The following SMC1A variants were observed in gnomAD, a reference collection of about 807,000 sequenced individuals.
SMC1A encodes the protein structural maintenance of chromosomes 1A, also known as structural maintenance of chromosomes protein 1A.
SMC1A carries 4 observed loss-of-function variants against 94.5 expected under a neutral mutation model. That is an observed-to-expected ratio of 0.04 (90% CI 0.02 to 0.10). SMC1A has a LOEUF of 0.10. Ranked by LOEUF, SMC1A falls within the 10% of genes least tolerant of loss-of-function variation. The pLI, the probability that SMC1A is intolerant of heterozygous loss-of-function variation, is 1.00. For synonymous variants in SMC1A, 345 were observed against 347.7 expected, an observed-to-expected ratio of 0.99 and a Z score of 0.09; for missense variants, 304 against 989.0, an observed-to-expected ratio of 0.31 and a Z score of 9.29.
Position 53,409,104 on chromosome X carries a change from T to C in SMC1A, c.1503A>G (p.Ala501=). 7.4e-6 allele frequency: 9 copies of C among 1,211,604 alleles called. No homozygotes were observed. Among genetic ancestry groups the C allele is most frequent in the Non-Finnish European group, 1.0e-5 (9 of 895,522 alleles). The change falls in exon 9 of 25, where the codon GCA becomes GCG. Residue 501 remains alanine (A), a synonymous_variant. Coordinates refer to ENST00000322213, the MANE Select transcript of SMC1A (RefSeq NM_006306.4). ...RQESSRQQRK[A]EIMESIKRLY... ...GGCGCTTGATGCTTTCCATTATCTC[T>C]GCCTTTCGCTGCTGGCGGCTGCTCT... is the stretch of plus-strand genomic sequence containing the variant.
intron 1 of SMC1A, among the ~76,000 whole-genome samples, chrX:53,417,711 A>T (rs1638979955): frequency 9.0e-6 from 1 of 111,679 alleles, no homozygotes; most frequent in South Asian, 3.7e-4. Context: ...AAACTGGATA[A>T]TTGATGACAT....
chrX:53,406,037 G>T (rs2075689825), intron 9 of SMC1A, 81 bp from the exon 10 acceptor site: 1 of 906,731 alleles, frequency 1.1e-6, no homozygotes, highest in African/African-American at 2.0e-5. Context: ...GTATGGAAAG[G>T]GGGACAGACT....
In SMC1A at chrX:53,376,088, T is replaced by C. The variant is rs2075558766; in HGVS notation, c.*4015A>G. On this transcript the variant is annotated 3_prime_UTR_variant, in exon 25 of 25. Coordinates refer to ENST00000322213, the MANE Select transcript of SMC1A (RefSeq NM_006306.4). Reference sequence around the variant, plus strand: ...AAGCAAAATATCCCCAGGCCCACCCTTGTGGTGCCTAAAGCTTATTCAGAG... The same window carrying C: ...AAGCAAAATATCCCCAGGCCCACCCCTGTGGTGCCTAAAGCTTATTCAGAG... 8.9e-6 allele frequency: 1 copy of C among 112,871 alleles called. No homozygotes were observed. The highest frequency in any genetic ancestry group is 9.4e-5 in the Admixed American group (1 of 10,675). 9.3% of individuals were successfully genotyped at this position (112,871 alleles called of 1,213,427 possible). A position where few individuals can be genotyped will look rare whatever the true frequency, so the allele number is the denominator to read the frequency against.
chrX:53,398,144 T>C (rs1179156363), intron 16 of SMC1A, among the ~76,000 whole-genome samples: 3 of 102,033 alleles, frequency 2.9e-5, no homozygotes, highest in African/African-American at 7.1e-5. Flanking sequence ...CCAAGTACTA[T>C]TGCACTCTAG....
At chrX:53,386,195 T>TA (rs1202799557) in intron 19 of SMC1A, among the ~76,000 whole-genome samples, 32 of 106,036 alleles carry the variant, frequency 3.0e-4, no homozygotes, top group African/African-American at 6.5e-4. Flanking sequence ...AATAATATTG[T>TA]AAAAAAAAAA....
intron 19 of SMC1A, among the ~76,000 whole-genome samples, chrX:53,391,458 TAAA>T (rs782035311): frequency 1.3e-4 from 12 of 89,582 alleles, no homozygotes; most frequent in Admixed American, 1.2e-4. Flanking sequence ...GTCTCCACGT[TAAA>T]AAAAAAAAAA....
At chrX:53,384,144 T>C (rs1252134376) in intron 19 of SMC1A, among the ~76,000 whole-genome samples, 2 of 111,347 alleles carry the variant, frequency 1.8e-5, no homozygotes, top group African/African-American at 3.3e-5. Flanking sequence ...TGCATTGAGG[T>C]GTTCTGGATG....
chrX:53,375,572 G>A lies in SMC1A; in HGVS notation c.*4531C>T, dbSNP rs2075556834. The A allele has an allele frequency of 9.1e-6, 1 of 110,163 alleles. No individual in the cohort carries two copies. Among genetic ancestry groups the A allele is most frequent in the African/African-American group, 3.3e-5 (1 of 30,239 alleles). The allele number at this position is 110,163 out of a possible 1,213,427, so 9.1% of individuals were successfully genotyped here. On this transcript the variant is annotated 3_prime_UTR_variant, in exon 25 of 25. Transcript: ENST00000322213. ...CTTGGAAGAGCCTTACTGCACACTGGAGGTGCTTAGCCAAGATTTATTGAA... is the reference window on the plus strand; with the variant it reads ...CTTGGAAGAGCCTTACTGCACACTGAAGGTGCTTAGCCAAGATTTATTGAA...
At chrX:53,418,723 G>A (rs2075742085) in intron 1 of SMC1A, among the ~76,000 whole-genome samples, 2 of 111,902 alleles carry the variant, frequency 1.8e-5, no homozygotes, top group African/African-American at 6.5e-5. Context: ...ATGAGCCACC[G>A]TTCCTGGCCA....
At chrX:53,409,951 C>A (rs782569776) in intron 7 of SMC1A, among the ~76,000 whole-genome samples, 1 of 111,963 alleles carries the variant, frequency 8.9e-6, no homozygotes, top group Admixed American at 9.5e-5. Context: ...GACAGGGTCT[C>A]ACTGTGTTGC....
Position 53,380,134 on chromosome X carries a change from G to T in SMC1A, c.3671C>A (p.Pro1224Gln). Residue 1224 changes from proline to glutamine, a missense_variant, in exon 25 of 25, where the codon CCA (proline) becomes CAA (glutamine). By Grantham distance (76) the Pro-to-Gln change is moderately conservative. Transcript: ENST00000322213. ...KVLTFDLTKY[P>Q]DANPNPNEQ ...CTCATTGGGGTTGGGGTTGGCATCT[G>T]GGTACTTGGTGAGGTCGAAGGTCAG... The T allele has an allele frequency of 2.5e-6, 3 of 1,209,010 alleles. No individual in the cohort carries two copies. The highest frequency in any genetic ancestry group is 3.4e-6 in the Non-Finnish European group (3 of 893,694).
rs782732704 is a variant in SMC1A at position 53,380,200 on chromosome X, G to A, written c.3619-14C>T. ...ACAGTCCCCTTGCTGAAGGAGGAGG[G>A]AGAAAAAGAAAAATAAAATTGTAAG... On this transcript the variant is annotated splice_polypyrimidine_tract_variant and intron_variant, in intron 24 of 24. Coordinates refer to ENST00000322213, the MANE Select transcript of SMC1A (RefSeq NM_006306.4). The A allele has an allele frequency of 6.9e-6, 8 of 1,155,407 alleles. No homozygotes were observed. The highest frequency in any genetic ancestry group is 8.3e-6 in the Non-Finnish European group (7 of 848,143).
At chrX:53,414,136 T>A (rs1334244611) in intron 3 of SMC1A, among the ~76,000 whole-genome samples, 1 of 109,657 alleles carries the variant, frequency 9.1e-6, no homozygotes. Context: ...GAGAAAAAGT[T>A]ATTCTATGAA....
chrX:53,377,730 T>C lies in SMC1A; in HGVS notation c.*2373A>G, dbSNP rs2075565235. The stretch of plus-strand genomic sequence containing the variant: ...GTGAATGATCTAGATGCCAGCCAAA[T>C]TGCTTCATATATATTTAATTTTCTC... On this transcript the variant is annotated 3_prime_UTR_variant, in exon 25 of 25. Transcript: ENST00000322213. 9.0e-6 allele frequency: 1 copy of C among 110,926 alleles called. No homozygotes were observed. The highest frequency in any genetic ancestry group is 1.9e-5 in the Non-Finnish European group (1 of 53,000). 9.1% of individuals were successfully genotyped at this position (110,926 alleles called of 1,213,427 possible).
At chrX:53,422,156 G>A (rs1218786872) in intron 1 of SMC1A, 1 of 841,614 alleles carries the variant, frequency 1.2e-6, no homozygotes, top group Non-Finnish European at 1.7e-6. Context: ...GGTCCGGCGG[G>A]GAGCCGCGCG....
At position 53,379,945 on chromosome X, in the gene SMC1A, T is replaced by A. The variant is rs1211625693; in HGVS notation, c.*158A>T. The A allele has an allele frequency of 2.1e-5, 10 of 483,621 alleles. No homozygotes were observed. The highest frequency in any genetic ancestry group is 3.0e-5 in the Non-Finnish European group (8 of 269,987). 39.9% of individuals were successfully genotyped at this position (483,621 alleles called of 1,213,427 possible). On this transcript the variant is annotated 3_prime_UTR_variant, in exon 25 of 25. Coordinates refer to ENST00000322213, the MANE Select transcript of SMC1A (RefSeq NM_006306.4). ...AGGAATTTTTGCTCCAGACCTAACA[T>A]CACCTCTGTTCCTCTTCATGCTTGA...
At position 53,409,136 on chromosome X, in the gene SMC1A, G is replaced by A; in HGVS notation, c.1471C>T (p.Arg491Cys). Reference protein sequence around the residue: ...MEQLGDARIDRQESSRQQRKA... With the variant: ...MEQLGDARIDCQESSRQQRKA... ...CGCTGCTGGCGGCTGCTCTCCTGGC[G>A]GTCGATGCGGGCATCCCCTAGCTGC... Residue 491 changes from arginine to cysteine, a missense_variant, in exon 9 of 25, where the codon CGC (arginine) becomes TGC (cysteine). Physicochemically the swap from Arg to Cys is radical, Grantham distance 180 (BLOSUM62 -3). This residue lies in a region of SMC1A where 57 missense variants were observed against 278.1 expected (regional missense o/e 0.20). Coordinates refer to ENST00000322213, the MANE Select transcript of SMC1A (RefSeq NM_006306.4). 8.3e-7 allele frequency: 1 copy of A among 1,211,365 alleles called. No homozygotes were observed. Among genetic ancestry groups the A allele is most frequent in the Non-Finnish European group, 1.1e-6 (1 of 895,421 alleles).
chrX:53,405,200 G>T, intron 12 of SMC1A, 45 bp downstream of exon 12: 4 of 1,211,944 alleles, frequency 3.3e-6, no homozygotes, highest in Non-Finnish European at 4.5e-6. Flanking sequence ...GGCTGACCTA[G>T]GCTTAGGACT....
rs1602397358 is a variant in SMC1A, at chrX:53,379,776, C to T, written c.*327G>A. The stretch of plus-strand genomic sequence containing the variant: ...ATGCGGATACATACATACACACATA[C>T]ATACCCACACACACAGTGGGCAAGA... On this transcript the variant is annotated 3_prime_UTR_variant, in exon 25 of 25. Coordinates refer to ENST00000322213, the MANE Select transcript of SMC1A (RefSeq NM_006306.4). 2.7e-6 allele frequency: 1 copy of T among 364,506 alleles called. No homozygotes were observed. The highest frequency in any genetic ancestry group is 4.6e-5 in the East Asian group (1 of 21,597). The allele number at this position is 364,506 out of a possible 1,213,427, so 30.0% of individuals were successfully genotyped here. A position where few individuals can be genotyped will look rare whatever the true frequency, so the allele number is the denominator to read the frequency against.
Sources: allele counts gnomAD v4.1 joint callset (sites outside exome capture counted in the v4.1 genomes callset), GRCh38; gene constraint gnomAD v4.1.1; regional missense constraint gnomAD v4.1.1; transcripts MANE v1.5; gene names NCBI Gene and HGNC (gene_info 2026-07-23, HGNC 2026-07-21).